The following SCYGR2 variants were observed in gnomAD, a reference collection of about 807,000 sequenced individuals.
SCYGR2 encodes the protein small cysteine and glycine repeat containing 2.
chr2:227,598,956 G>C (rs999118344), exon 1 of SCYGR2: 3 of 296,406 alleles, frequency 1.0e-5, no homozygotes, highest in East Asian at 6.6e-5. Flanking sequence ...CTGCGGTGGT[G>C]GCTGTGGTGG....
chr2:227,599,102 C>T, exon 1 of SCYGR2: 1 of 402,964 alleles, frequency 2.5e-6, no homozygotes, highest in Non-Finnish European at 4.4e-6. Flanking sequence ...GCTGCTGCTC[C>T]AGCTGCTGCC....
At chr2:227,599,194 G>A in exon 1 of SCYGR2, 2 of 399,918 alleles carry the variant, frequency 5.0e-6, no homozygotes, top group East Asian at 3.6e-5. Context: ...TCATGTGGCT[G>A]TGGCTGTGGG....
At chr2:227,598,896 G>T (rs1693634703) in exon 1 of SCYGR2, 1 of 414,886 alleles carries the variant, frequency 2.4e-6, no homozygotes, top group Non-Finnish European at 4.2e-6. Context: ...TGACACCATG[G>T]GTTGCTGTGG....
chr2:227,599,076 A>G, exon 1 of SCYGR2: 1 of 405,224 alleles, frequency 2.5e-6, no homozygotes, highest in East Asian at 3.5e-5. Context: ...CACCACCTGC[A>G]GGTGCTACCG....
chr2:227,598,954 G>A, exon 1 of SCYGR2: 7 of 296,026 alleles, frequency 2.4e-5, no homozygotes, highest in Non-Finnish European at 6.1e-6. Flanking sequence ...GGCTGCGGTG[G>A]TGGCTGTGGT....
At position 227,599,217 on chromosome 2, in the gene SCYGR2, C is replaced by T. The variant is rs1693643102; in HGVS notation, c.325C>T (p.Gln109Ter). 1 of 399,766 alleles carries T rather than the reference C, an allele frequency of 2.5e-6. No individual in the cohort carries two copies. The highest frequency in any genetic ancestry group is 4.4e-6 in the Non-Finnish European group (1 of 226,802). 24.8% of individuals were successfully genotyped at this position (399,766 alleles called of 1,614,324 possible). Residue 109 changes from glutamine (Q) to a stop codon, truncating the protein, a stop_gained, in exon 1 of 1, where the codon CAG becomes TAG. Transcript: ENST00000641394. LOFTEE classifies it high-confidence loss of function. ...CTGTGGCTGTGGGAAGGGCTGTTGC[C>T]AGCAGAAATGCTGCTGCCAGAAGCA...
exon 1 of SCYGR2, chr2:227,599,019 T>TGTGGTGGTG (rs1693638945): frequency 8.0e-6 from 3 of 373,878 alleles, no homozygotes; most frequent in Non-Finnish European, 1.4e-5. Flanking sequence ...TGGTGGTGGC[T>TGTGGTGGTG]GCGGTGGTGG....
chr2:227,598,995 TGTGGTGGTGGCTGTG>T, exon 1 of SCYGR2: 1 of 393,602 alleles, frequency 2.5e-6, no homozygotes, highest in Non-Finnish European at 4.5e-6. Context: ...CGGTGGTGGC[TGTGGTGGTGGCTGTG>T]GTGGTGGCTG....
chr2:227,598,985 C>CAGTGGTGGCTGT (rs1693637238), exon 1 of SCYGR2: 3 of 363,874 alleles, frequency 8.2e-6, no homozygotes, highest in Middle Eastern at 6.5e-4. Context: ...GTGGTGGCTG[C>CAGTGGTGGCTGT]GGTGGTGGCT....
Position 227,599,241 on chromosome 2 carries a change from C to T in SCYGR2, c.349C>T (p.Gln117Ter), listed in dbSNP as rs1297936218. Residue 117 changes from glutamine (Q) to a stop codon, truncating the protein, a stop_gained, in exon 1 of 1, where the codon CAA becomes TAA. Transcript: ENST00000641394. LOFTEE classifies it high-confidence loss of function. Reference sequence around the variant, plus strand: ...CCAGCAGAAATGCTGCTGCCAGAAGCAATGCTGCTGCTAGGTGGCCGGCCT... The same window carrying T: ...CCAGCAGAAATGCTGCTGCCAGAAGTAATGCTGCTGCTAGGTGGCCGGCCT... 2.5e-6 allele frequency: 1 copy of T among 400,000 alleles called. No individual in the cohort carries two copies. The highest frequency in any genetic ancestry group is 4.4e-5 in the Admixed American group (1 of 22,758). The allele number at this position is 400,000 out of a possible 1,614,324, so 24.8% of individuals were successfully genotyped here.
chr2:227,598,937 C>T (rs1342126678), exon 1 of SCYGR2: 4 of 369,932 alleles, frequency 1.1e-5, no homozygotes, highest in East Asian at 4.0e-5. Flanking sequence ...GCGGTGGCCG[C>T]TGTGGTGGCT....
chr2:227,598,926 TGCG>T, exon 1 of SCYGR2: 1 of 422,488 alleles, frequency 2.4e-6, no homozygotes, highest in South Asian at 9.0e-5. Context: ...TTGTGGTGGC[TGCG>T]GTGGCCGCTG....
Position 227,599,186 on chromosome 2 carries a change from A to G in SCYGR2, c.294A>G (p.Ser98=), listed in dbSNP as rs369962209. Residue 98 remains serine, a synonymous_variant, in exon 1 of 1, where the codon TCA becomes TCG. Coordinates refer to ENST00000641394, the Ensembl canonical transcript of SCYGR2. ...GTTGCTGCCGCCGCACCTGCCACTC[A>G]TGTGGCTGTGGCTGTGGGAAGGGCT... The G allele has an allele frequency of 1.2e-3, 476 of 399,560 alleles. 4 individuals are homozygous for G. Among genetic ancestry groups the G allele is most frequent in the African/African-American group, 8.2e-3 (400 of 48,692 alleles). The allele number at this position is 399,560 out of a possible 1,614,324, so 24.8% of individuals were successfully genotyped here.
chr2:227,598,971 TGTG>T (rs1325679238), exon 1 of SCYGR2: 17 of 239,586 alleles, frequency 7.1e-5, no homozygotes, highest in Middle Eastern at 1.2e-3. Flanking sequence ...TGGTGGTGGC[TGTG>T]GTGGTGGCTG....
exon 1 of SCYGR2, chr2:227,598,995 TGTGGTGGTG>T (rs1201470329): frequency 2.0e-5 from 8 of 393,494 alleles, no homozygotes; most frequent in East Asian, 7.1e-5. Context: ...CGGTGGTGGC[TGTGGTGGTG>T]GCTGTGGTGG....
chr2:227,598,936 G>A (rs894895559), exon 1 of SCYGR2: 27 of 370,690 alleles, frequency 7.3e-5, no homozygotes, highest in African/African-American at 4.4e-4. Context: ...TGCGGTGGCC[G>A]CTGTGGTGGC....
exon 1 of SCYGR2, chr2:227,599,126 C>T (rs1459383861): frequency 5.0e-6 from 2 of 402,074 alleles, no homozygotes; most frequent in African/African-American, 4.1e-5. Flanking sequence ...GCTGCCGTGG[C>T]TGCTGTGGAG....
exon 1 of SCYGR2, chr2:227,598,929 G>A (rs944635809): frequency 1.5e-4 from 56 of 380,344 alleles, no homozygotes; most frequent in Non-Finnish European, 2.3e-4. Context: ...TGGTGGCTGC[G>A]GTGGCCGCTG....
At chr2:227,598,970 CTGTGGT>C (rs1693636749) in exon 1 of SCYGR2, 1 of 294,824 alleles carries the variant, frequency 3.4e-6, no homozygotes, top group Admixed American at 5.9e-5. Flanking sequence ...GTGGTGGTGG[CTGTGGT>C]GGTGGCTGCG....
Sources: allele counts gnomAD v4.1 joint callset, GRCh38; gene constraint gnomAD v4.1.1; transcripts MANE v1.5; gene names NCBI Gene and HGNC (gene_info 2026-07-23, HGNC 2026-07-21).